CCDC138: variants seen among roughly 807,000 people sequenced by gnomAD.
CCDC138 encodes the protein coiled-coil domain-containing protein 138.
A neutral mutation model predicts 82.3 loss-of-function variants in CCDC138; 66 were observed. That is an observed-to-expected ratio of 0.80 (90% CI 0.66 to 0.98). The LOEUF is 0.98. Among genes scored for constraint, CCDC138 ranks in the 50% least tolerant of loss-of-function variants. CCDC138 has a pLI of 0.00. For synonymous variants in CCDC138, 297 were observed against 265.4 expected (o/e 1.12, Z -1.16); for missense variants, 816 against 758.9 (o/e 1.08, Z -0.88).
chr2:108,884,610 A>C (rs1478516), intron 2 of CCDC138: 107,297 of 152,018 alleles, frequency 0.71, 41,294 homozygotes, highest in East Asian at 0.9. Flanking sequence ...ACAAAGCTCC[A>C]CATAATAAAC....
intron 5 of CCDC138, among the ~76,000 whole-genome samples, chr2:108,795,063 A>G (rs1219360718): frequency 6.6e-6 from 1 of 151,672 alleles, no homozygotes; most frequent in East Asian, 1.9e-4. Flanking sequence ...ACTTATATAT[A>G]AAAAGTCTTC....
intron 13 of CCDC138, among the ~76,000 whole-genome samples, chr2:108,862,644 T>C (rs1054232033): frequency 5.9e-5 from 9 of 152,240 alleles, no homozygotes; most frequent in Non-Finnish European, 2.9e-5. Context: ...CTACATGATA[T>C]TGAAATATAT....
intron 5 of CCDC138, among the ~76,000 whole-genome samples, chr2:108,797,983 A>C (rs1235756368): frequency 1.0e-4 from 15 of 145,666 alleles, no homozygotes; most frequent in Non-Finnish European, 1.9e-4. Context: ...TTTTTTCTCC[A>C]GTGGTACTTA....
At chr2:108,879,741 G>A (rs771673323), downstream of CCDC138, among the ~76,000 whole-genome samples, 6 of 152,158 alleles carry the variant, frequency 3.9e-5, no homozygotes, top group Admixed American at 1.3e-4. Flanking sequence ...TGACTAAGCC[G>A]CTATCATTGT....
Position 108,813,001 on chromosome 2 carries a change from G to A in CCDC138, c.1041+74G>A, listed in dbSNP as rs1447828326. On this transcript the variant is annotated intron_variant, in intron 9 of 14. Transcript: ENST00000295124. ...ACGGTGGCTCACACCTGTAATCCCAGCACTTTGGGAGGCTGAGATGGGCGG... is the reference window on the plus strand; with the variant it reads ...ACGGTGGCTCACACCTGTAATCCCAACACTTTGGGAGGCTGAGATGGGCGG... 3.6e-5 allele frequency: 45 copies of A among 1,257,926 alleles called. 1 individual carries two copies. In the Middle Eastern group the frequency reaches 1.0e-3, roughly 29 times the overall value. 77.9% of individuals were successfully genotyped at this position (1,257,926 alleles called of 1,614,324 possible). A position where few individuals can be genotyped will look rare whatever the true frequency, so the allele number is the denominator to read the frequency against.
At chr2:108,791,478 A>T (rs1278395845) in intron 3 of CCDC138, 197 bp from the exon 4 acceptor site, 1 of 598,584 alleles carries the variant, frequency 1.7e-6, no homozygotes, top group African/African-American at 1.9e-5. Context: ...GTAGAAAAAG[A>T]TGCTTGTAGT....
At chr2:108,839,358 G>T in intron 11 of CCDC138, 57 bp downstream of exon 11, 1 of 1,399,936 alleles carries the variant, frequency 7.1e-7, no homozygotes, top group South Asian at 1.3e-5. Flanking sequence ...ATTACTTCTT[G>T]ATCTTGTTTC....
In CCDC138 at chr2:108,839,201, C is replaced by T. The variant is rs753120173; in HGVS notation, c.1223C>T (p.Thr408Ile). ...EKCVKLLPLM[T>I]EQLQWMPFVN... The stretch of plus-strand genomic sequence containing the variant: ...TATCTTTAGCTTTTGCCTCTAATGA[C>T]AGAGCAGCTACAGTGGATGCCATTT... The change falls in exon 11 of 15, where the codon ACA becomes ATA. Residue 408 changes from threonine (T) to isoleucine (I), a missense_variant. By Grantham distance (89) the Thr-to-Ile change is moderately conservative. Transcript: ENST00000295124. 6.2e-7 allele frequency: 1 copy of T among 1,609,060 alleles called. No individual in the cohort carries two copies. The highest frequency in any genetic ancestry group is 8.5e-7 in the Non-Finnish European group (1 of 1,177,454).
Position 108,786,826 on chromosome 2 carries a change from G to C in CCDC138, c.4G>C (p.Glu2Gln). The C allele has an allele frequency of 6.3e-7, 1 of 1,589,926 alleles. No individual in the cohort carries two copies. Among genetic ancestry groups the C allele is most frequent in the Non-Finnish European group, 8.6e-7 (1 of 1,169,544 alleles). M[E>Q]PRVVKPPGQD... ...ACTGGTACGGTTGCTGTGTGCTATG[G>C]AGCCGAGGGTCGTCAAGCCACCGGG... Residue 2 changes from glutamate (E) to glutamine (Q), a missense_variant, in exon 1 of 15, where the codon GAG (glutamate) becomes CAG (glutamine). Coordinates refer to ENST00000295124, the MANE Select transcript of CCDC138 (RefSeq NM_144978.3).
intron 13 of CCDC138, 68 bp downstream of exon 13, chr2:108,857,038 G>T: frequency 3.3e-6 from 1 of 301,000 alleles, no homozygotes; most frequent in Non-Finnish European, 6.3e-6. Flanking sequence ...TTGTCTGCAT[G>T]TATAACTCCA....
rs66522366 is a variant in CCDC138 at position 108,875,319 on chromosome 2, TAA to T, written c.1833-753_1833-752del. 6.3e-3 allele frequency among the ~76,000 whole-genome samples: 745 copies of T among 118,424 alleles called. 23 individuals are homozygous for T. Among genetic ancestry groups the T allele is most frequent in the Admixed American group, 7.4e-3 (87 of 11,710 alleles). The allele number at this position is 118,424 out of a possible 152,430, so 77.7% of individuals were successfully genotyped here. On this transcript the variant is annotated intron_variant, in intron 14 of 14. Transcript: ENST00000295124. ...ATGTACCCTAAAACTTAAAGTATAA[TAA>T]AAAAAAAAAAAAAAAGAAACAAATT...
intron 12 of CCDC138, among the ~76,000 whole-genome samples, chr2:108,848,744 AAT>A (rs1273626792): frequency 6.6e-6 from 1 of 152,204 alleles, no homozygotes; most frequent in Non-Finnish European, 1.5e-5. Flanking sequence ...AAACAATCCT[AAT>A]ATGTAATGAT....
rs1690587417 is a variant in CCDC138, at chr2:108,846,884, A to G, written c.1470A>G (p.Pro490=). The part of the protein sequence containing the change: ...TAAFFKSSNL[P]LRFLSTLIVL... ...CTTTCTTTAAGAGCTCCAATTTGCC[A>G]TTGAGATTTTTATCAACCTTAATTG... is the stretch of plus-strand genomic sequence containing the variant. The change falls in exon 12 of 15, where the codon CCA becomes CCG. Residue 490 remains proline (P), a synonymous_variant. Transcript: ENST00000295124. The G allele has an allele frequency of 6.2e-7, 1 of 1,613,546 alleles. No individual in the cohort carries two copies. The highest frequency in any genetic ancestry group is 8.5e-7 in the Non-Finnish European group (1 of 1,179,640).
chr2:108,840,459 G>A (rs1689262555), intron 11 of CCDC138, among the ~76,000 whole-genome samples: 1 of 152,128 alleles, frequency 6.6e-6, no homozygotes, highest in South Asian at 2.1e-4. Flanking sequence ...ATGTGGATGA[G>A]ATTTCTTTTG....
Position 108,812,824 on chromosome 2 carries a change from A to C in CCDC138, c.938A>C (p.Lys313Thr). The change falls in exon 9 of 15, where the codon AAG becomes ACG. Residue 313 changes from lysine to threonine, a missense_variant. Physicochemically the swap from Lys to Thr is moderately conservative, Grantham distance 78 (BLOSUM62 -1). Coordinates refer to ENST00000295124, the MANE Select transcript of CCDC138 (RefSeq NM_144978.3). ...VQARLDNLQR[K>T]YEFMTIQRLK... is the part of the protein sequence containing the mutation. Reference sequence around the variant, plus strand: ...CACGCATATATACTGTTGCAGAGGAAGTACGAGTTTATGACAATACAGAGA... The same window carrying C: ...CACGCATATATACTGTTGCAGAGGACGTACGAGTTTATGACAATACAGAGA... 1 of 1,612,800 alleles carries C rather than the reference A, an allele frequency of 6.2e-7. No homozygotes were observed. The highest frequency in any genetic ancestry group is 2.2e-5 in the East Asian group (1 of 44,832).
At chr2:108,789,248 C>A (rs76653570) in intron 3 of CCDC138, among the ~76,000 whole-genome samples, 1 of 152,104 alleles carries the variant, frequency 6.6e-6, no homozygotes, top group Non-Finnish European at 1.5e-5. Context: ...GTTATTCATT[C>A]AGGACCCAAA....
chr2:108,804,014 A>G (rs1682428809), intron 6 of CCDC138, among the ~76,000 whole-genome samples: 1 of 152,136 alleles, frequency 6.6e-6, no homozygotes, highest in South Asian at 2.1e-4. Context: ...AGAATATTGG[A>G]TTTTTTTCAC....
At chr2:108,827,576 G>A (rs959489788) in intron 10 of CCDC138, among the ~76,000 whole-genome samples, 21 of 151,260 alleles carry the variant, frequency 1.4e-4, no homozygotes, top group Admixed American at 4.0e-4. Flanking sequence ...CAGCACTTTG[G>A]GAGGCCAAGG....
chr2:108,875,362 G>T (rs1167961586), intron 14 of CCDC138, among the ~76,000 whole-genome samples: 1 of 148,412 alleles, frequency 6.7e-6, no homozygotes, highest in African/African-American at 2.5e-5. Flanking sequence ...TGATTGAAAT[G>T]AAATTACTGA....
Sources: allele counts gnomAD v4.1 joint callset (sites outside exome capture counted in the v4.1 genomes callset), GRCh38; gene constraint gnomAD v4.1.1; transcripts MANE v1.5; gene names NCBI Gene and HGNC (gene_info 2026-07-23, HGNC 2026-07-21).